The following FRAS1 variants were observed in gnomAD, a reference collection of about 807,000 sequenced individuals.
The protein encoded by FRAS1 is extracellular matrix organizing protein FRAS1.
FRAS1 carries 290 observed loss-of-function variants against 435.2 expected under a neutral mutation model. The ratio of observed to expected loss-of-function variants is 0.67; its 90% confidence interval spans 0.61 to 0.73. FRAS1 has a LOEUF of 0.73. Ranked by LOEUF, FRAS1 falls within the 30% of genes least tolerant of loss-of-function variation. FRAS1 has a pLI of 0.00. For synonymous variants in FRAS1, 1,800 were observed against 1,851.0 expected (o/e 0.97, Z 0.71); for missense variants, 4,860 against 5,001.5 (o/e 0.97, Z 0.85).
At chr4:78,477,748 GC>G (rs1719893448) in intron 54 of FRAS1, 66 bp from the exon 55 acceptor site, 1 of 1,553,028 alleles carries the variant, frequency 6.4e-7, no homozygotes, top group Non-Finnish European at 8.7e-7. Context: ...TTCCTATGAT[GC>G]CCTGGGGAAG....
chr4:78,277,159 T>A (rs951137693), intron 9 of FRAS1, among the ~76,000 whole-genome samples: 1 of 152,190 alleles, frequency 6.6e-6, no homozygotes, highest in Non-Finnish European at 1.5e-5. Flanking sequence ...CTAAGACCAT[T>A]GGAAAAGCGC....
At chr4:78,429,899 C>T (rs981287891) in intron 36 of FRAS1, among the ~76,000 whole-genome samples, 1 of 152,138 alleles carries the variant, frequency 6.6e-6, no homozygotes, top group African/African-American at 2.4e-5. Flanking sequence ...TCACTTGGCT[C>T]TTTGTAGCTT....
At chr4:78,212,967 C>T (rs900866507) in intron 2 of FRAS1, among the ~76,000 whole-genome samples, 6 of 152,166 alleles carry the variant, frequency 3.9e-5, no homozygotes, top group African/African-American at 1.4e-4. Context: ...GGAGTTGGGA[C>T]GGTGATTCCT....
intron 2 of FRAS1, among the ~76,000 whole-genome samples, chr4:78,189,077 A>G (rs1364266500): frequency 6.6e-6 from 1 of 152,238 alleles, no homozygotes; most frequent in Non-Finnish European, 1.5e-5. Flanking sequence ...GTTAAAGGAT[A>G]CAGTAAGTCA....
intron 6 of FRAS1, among the ~76,000 whole-genome samples, chr4:78,261,803 T>G (rs1362489488): frequency 6.6e-6 from 1 of 152,194 alleles, no homozygotes; most frequent in Non-Finnish European, 1.5e-5. Context: ...TCTTTGGGTC[T>G]TCATTTCCTT....
intron 2 of FRAS1, among the ~76,000 whole-genome samples, chr4:78,117,734 T>G (rs533840917): frequency 6.6e-6 from 1 of 151,998 alleles, no homozygotes; most frequent in African/African-American, 2.4e-5. Flanking sequence ...ATTCATCTAA[T>G]TTTTTTTTCA....
At position 78,481,848 on chromosome 4, in the gene FRAS1, A is replaced by G. The variant is rs768633440; in HGVS notation, c.8488A>G (p.Thr2830Ala). ...PVIRHGTDLS[T>A]FASVWCATRP... ...TATCCGCCATGGTACTGACCTCTCT[A>G]CTTTCGCATCTGTCTGGTGTGCAAC... The change falls in exon 57 of 74, where the codon ACT (threonine) becomes GCT (alanine). Residue 2830 changes from threonine to alanine, a missense_variant. Coordinates refer to ENST00000512123, the MANE Select transcript of FRAS1 (RefSeq NM_025074.7). 1 of 1,613,720 alleles carries G rather than the reference A, an allele frequency of 6.2e-7. No individual in the cohort carries two copies. The highest frequency in any genetic ancestry group is 1.3e-5 in the African/African-American group (1 of 74,878).
At chr4:78,113,561 C>T (rs1020657621) in intron 2 of FRAS1, among the ~76,000 whole-genome samples, 14 of 152,292 alleles carry the variant, frequency 9.2e-5, no homozygotes, top group East Asian at 5.8e-4. Flanking sequence ...TTTTGATTTG[C>T]ATTTCTTTGA....
In FRAS1 at chr4:78,441,278, C is replaced by T. The variant is rs1336758034; in HGVS notation, c.5646C>T (p.Cys1882=). ...TAAGTGCTCTGCCCAAATATGGCTG[C>T]ATTGAGAACACAGGAACAGGTACTA... ...IKLSALPKYG[C]IENTGTGDRF... is the part of the protein sequence containing the mutation. The change falls in exon 41 of 74, where the codon TGC becomes TGT. Residue 1882 remains cysteine, a synonymous_variant. Coordinates refer to ENST00000512123, the MANE Select transcript of FRAS1 (RefSeq NM_025074.7). 6.2e-7 allele frequency: 1 copy of T among 1,612,586 alleles called. No homozygotes were observed. Among genetic ancestry groups the T allele is most frequent in the South Asian group, 1.1e-5 (1 of 90,692 alleles).
chr4:78,472,216 A>G lies in FRAS1; in HGVS notation c.7408A>G (p.Met2470Val), dbSNP rs564343596. ...GATCACCAAGAAGGAACTGCTGACC[A>G]TGGACCCAGACACCGAGGACGCGCA... ...NLITKKELLT[M>V]DPDTEDAQLV... is the part of the protein sequence containing the mutation. Residue 2470 changes from methionine (M) to valine (V), a missense_variant, in exon 52 of 74, where the codon ATG (methionine) becomes GTG (valine). Transcript: ENST00000512123. 12 of 1,614,006 alleles carry G rather than the reference A, an allele frequency of 7.4e-6. No individual in the cohort carries two copies. In the African/African-American group the frequency reaches 8.0e-5, roughly 11 times the overall value.
In FRAS1 at chr4:78,513,454, C is replaced by T. The variant is rs569027154; in HGVS notation, c.10076C>T (p.Pro3359Leu). 12 of 1,613,872 alleles carry T rather than the reference C, an allele frequency of 7.4e-6. No homozygotes were observed. Among genetic ancestry groups the T allele is most frequent in the East Asian group, 6.7e-5 (3 of 44,888 alleles). Reference protein sequence around the residue: ...DGMLPLISTMPLHNLHFLLSE... With the variant: ...DGMLPLISTMLLHNLHFLLSE... ...ATGCTGCCCCTTATCTCCACCATGCCGTTGCACAACTTACATTTTCTACTG... is the reference window on the plus strand; with the variant it reads ...ATGCTGCCCCTTATCTCCACCATGCTGTTGCACAACTTACATTTTCTACTG... The change falls in exon 65 of 74, where the codon CCG becomes CTG. Residue 3359 changes from proline (P) to leucine (L), a missense_variant. Physicochemically the swap from Pro to Leu is moderately conservative, Grantham distance 98 (BLOSUM62 -3). Transcript: ENST00000512123.
chr4:78,423,486 T>G (rs1391283402), intron 34 of FRAS1, among the ~76,000 whole-genome samples: 1 of 152,226 alleles, frequency 6.6e-6, no homozygotes, highest in Non-Finnish European at 1.5e-5. Context: ...CTTTAAGGTG[T>G]ATGTACTACA....
At position 78,069,737 on chromosome 4, in the gene FRAS1, G is replaced by A. The variant is rs181298733; in HGVS notation, c.108+3721G>A. ...CCAAGAAGAACAAGAGGAAGGGCCA[G>A]TTGTTAAGCACCTACTATATATTTA... On this transcript the variant is annotated intron_variant, in intron 2 of 73. Coordinates refer to ENST00000512123, the MANE Select transcript of FRAS1 (RefSeq NM_025074.7). Among the ~76,000 whole-genome samples the A allele has an allele frequency of 1.5e-3, 223 of 151,846 alleles. 3 individuals carry two copies. Among genetic ancestry groups the A allele is most frequent in the African/African-American group, 5.1e-3 (213 of 41,424 alleles).
chr4:78,195,668 T>C (rs1722772863), intron 2 of FRAS1, among the ~76,000 whole-genome samples: 1 of 152,158 alleles, frequency 6.6e-6, no homozygotes, highest in African/African-American at 2.4e-5. Flanking sequence ...GGTGCTGTCT[T>C]GTCACCCCTT....
At chr4:78,243,720 A>G (rs188917271) in intron 3 of FRAS1, among the ~76,000 whole-genome samples, 73 of 152,212 alleles carry the variant, frequency 4.8e-4, no homozygotes, top group Non-Finnish European at 6.8e-4. Context: ...ACATATTATT[A>G]TATTTATAAA....
chr4:78,391,034 GT>G (rs894691918), intron 29 of FRAS1, among the ~76,000 whole-genome samples: 65 of 152,078 alleles, frequency 4.3e-4, no homozygotes, highest in African/African-American at 1.4e-3. Flanking sequence ...ACCTTTTTTG[GT>G]TTTTTTTGGA....
At chr4:78,162,053 A>G (rs913067780) in intron 2 of FRAS1, among the ~76,000 whole-genome samples, 3 of 152,172 alleles carry the variant, frequency 2.0e-5, no homozygotes, top group African/African-American at 7.2e-5. Context: ...TAGAATATAA[A>G]AAAGCATAAG....
intron 58 of FRAS1, among the ~76,000 whole-genome samples, chr4:78,487,111 T>G (rs949301236): frequency 1.3e-5 from 2 of 152,192 alleles, no homozygotes; most frequent in Admixed American, 1.3e-4. Flanking sequence ...CTTCTTGTCC[T>G]CCTATGCTGG....
At chr4:78,315,096 G>A (rs1729184623) in intron 15 of FRAS1, among the ~76,000 whole-genome samples, 1 of 152,176 alleles carries the variant, frequency 6.6e-6, no homozygotes, top group Non-Finnish European at 1.5e-5. Flanking sequence ...GAAAGACTGT[G>A]TGAAGTTCAG....
Sources: gnomAD v4.1 joint callset for allele counts (sites outside exome capture counted in the v4.1 genomes callset) on GRCh38, gnomAD v4.1.1 for gene constraint, MANE v1.5 for transcripts, NCBI Gene and HGNC (gene_info 2026-07-23, HGNC 2026-07-21) for gene names.